The following CDH10 variants were observed in gnomAD, a reference collection of about 807,000 sequenced individuals.
CDH10 encodes the protein cadherin-10.
Under a neutral mutation model 73.1 loss-of-function variants are expected in CDH10, and 30 were observed. That is an observed-to-expected ratio of 0.41 (90% CI 0.31 to 0.56). CDH10 has a LOEUF of 0.56. CDH10 is among the 20% of genes least tolerant of loss of function. CDH10 has a pLI of 0.27. For synonymous variants in CDH10, 345 were observed against 348.2 expected, an observed-to-expected ratio of 0.99 and a Z score of 0.10; for missense variants, 815 against 973.7, an observed-to-expected ratio of 0.84 and a Z score of 2.17.
chr5:24,600,271 T>C (rs1194658457), intron 1 of CDH10, among the ~76,000 whole-genome samples: 1 of 152,176 alleles, frequency 6.6e-6, no homozygotes, highest in Non-Finnish European at 1.5e-5. Flanking sequence ...AACACCTCAG[T>C]GAACCAGTTA....
chr5:24,518,651 T>G (rs1743197821), intron 5 of CDH10, among the ~76,000 whole-genome samples: 1 of 152,104 alleles, frequency 6.6e-6, no homozygotes, highest in African/African-American at 2.4e-5. Flanking sequence ...CAGGTTTCCC[T>G]GCCTCCAAGA....
At chr5:24,517,987 T>C (rs1369468245) in intron 5 of CDH10, among the ~76,000 whole-genome samples, 1 of 152,136 alleles carries the variant, frequency 6.6e-6, no homozygotes, top group Non-Finnish European at 1.5e-5. Flanking sequence ...CAGATAACCC[T>C]GGTAATATCT....
In CDH10 at chr5:24,640,072, C is replaced by G. The variant is rs375408926; in HGVS notation, c.-124+4522G>C. On this transcript the variant is annotated intron_variant, in intron 1 of 11. Transcript: ENST00000264463. ...CAACTGAACTGTCATATACTTTGTGCTATAATGCAAAGGATAGTGTAATAA... is the reference window on the plus strand; with the variant it reads ...CAACTGAACTGTCATATACTTTGTGGTATAATGCAAAGGATAGTGTAATAA... Among the ~76,000 whole-genome samples, 33 of 151,780 alleles carry G rather than the reference C, an allele frequency of 2.2e-4. 1 individual carries two copies. The South Asian group carries it at 6.4e-3, about 30-fold the overall frequency.
At chr5:24,570,517 T>TG (rs1745337651) in intron 2 of CDH10, among the ~76,000 whole-genome samples, 2 of 152,122 alleles carry the variant, frequency 1.3e-5, no homozygotes, top group Admixed American at 1.3e-4. Context: ...ATTGCATCAC[T>TG]GCCCAACTGT....
At chr5:24,585,988 G>A (rs1745979988) in intron 2 of CDH10, among the ~76,000 whole-genome samples, 1 of 152,124 alleles carries the variant, frequency 6.6e-6, no homozygotes, top group Non-Finnish European at 1.5e-5. Context: ...AATTGAAAAA[G>A]CTCAGTCGTC....
intron 6 of CDH10, 22 bp from the exon 7 acceptor site, chr5:24,509,841 C>G (rs373717533): frequency 6.3e-7 from 1 of 1,576,312 alleles, no homozygotes; most frequent in Non-Finnish European, 8.6e-7. Context: ...AATAAATCAT[C>G]AAATTAGAGT....
At position 24,605,695 on chromosome 5, in the gene CDH10, A is replaced by G. The variant is rs188906629; in HGVS notation, c.-123-12082T>C. Among the ~76,000 whole-genome samples the G allele has an allele frequency of 6.6e-5, 10 of 152,362 alleles. No individual in the cohort carries two copies. In the East Asian group the frequency reaches 1.9e-3, roughly 29 times the overall value. ...GTTACATATGTACTAATCATTTGAT[A>G]CAATATTCCTACCCTAGGTACTTGT... On this transcript the variant is annotated intron_variant, in intron 1 of 11. Coordinates refer to ENST00000264463, the MANE Select transcript of CDH10 (RefSeq NM_006727.5).
At chr5:24,501,379 A>G (rs1005657904) in intron 8 of CDH10, among the ~76,000 whole-genome samples, 4 of 151,054 alleles carry the variant, frequency 2.6e-5, no homozygotes, top group South Asian at 2.1e-4. Flanking sequence ...GGAGCTACCT[A>G]TTCAAAAAAC....
chr5:24,530,817 A>G (rs10065091), intron 5 of CDH10, among the ~76,000 whole-genome samples: 133,738 of 152,022 alleles, frequency 0.88, 59,792 homozygotes, highest in Non-Finnish European at 0.96. Flanking sequence ...CTAAGCCATG[A>G]ACTCCTTTTA....
chr5:24,550,128 A>T (rs1744492323), intron 2 of CDH10, among the ~76,000 whole-genome samples: 1 of 152,318 alleles, frequency 6.6e-6, no homozygotes, highest in African/African-American at 2.4e-5. Context: ...AAACAATAAT[A>T]GTCATGTCTT....
intron 8 of CDH10, among the ~76,000 whole-genome samples, chr5:24,504,011 A>T (rs1469013968): frequency 2.6e-5 from 4 of 152,154 alleles, no homozygotes; most frequent in African/African-American, 7.2e-5. Context: ...TAATTTTTCC[A>T]CAAATGATAA....
At chr5:24,599,946 A>C (rs1746504557) in intron 1 of CDH10, among the ~76,000 whole-genome samples, 1 of 152,234 alleles carries the variant, frequency 6.6e-6, no homozygotes, top group Non-Finnish European at 1.5e-5. Flanking sequence ...AAAAAGGATT[A>C]TCTCCTAAAT....
chr5:24,528,269 T>G (rs1228682673), intron 5 of CDH10, among the ~76,000 whole-genome samples: 1 of 151,900 alleles, frequency 6.6e-6, no homozygotes, highest in Non-Finnish European at 1.5e-5. Flanking sequence ...TTAATTTTAT[T>G]CCCTTCTTTC....
intron 2 of CDH10, among the ~76,000 whole-genome samples, chr5:24,591,896 A>T (rs926210041): frequency 1.3e-5 from 2 of 151,942 alleles, no homozygotes; most frequent in Non-Finnish European, 2.9e-5. Flanking sequence ...GATGCAAACA[A>T]GCTAACTGCT....
intron 5 of CDH10, among the ~76,000 whole-genome samples, chr5:24,528,827 A>G (rs899677948): frequency 6.6e-6 from 1 of 152,010 alleles, no homozygotes; most frequent in African/African-American, 2.4e-5. Context: ...TTCTAGGTGT[A>G]GTGCTTTGAA....
At chr5:24,588,993 T>G (rs138165392) in intron 2 of CDH10, among the ~76,000 whole-genome samples, 102 of 152,318 alleles carry the variant, frequency 6.7e-4, no homozygotes, top group Non-Finnish European at 1.2e-3. Context: ...TGTTGACTAT[T>G]GTTTTGTTCT....
intron 1 of CDH10, among the ~76,000 whole-genome samples, chr5:24,634,796 TATTA>T (rs980897914): frequency 2.0e-5 from 3 of 151,698 alleles, no homozygotes; most frequent in African/African-American, 7.2e-5. Flanking sequence ...ATAAATAATA[TATTA>T]ATTATCCCTG....
At chr5:24,610,150 A>C (rs1306877090) in intron 1 of CDH10, among the ~76,000 whole-genome samples, 5 of 152,222 alleles carry the variant, frequency 3.3e-5, no homozygotes, top group African/African-American at 1.2e-4. Context: ...TCTGCAAAAT[A>C]AACTTTCTTA....
At chr5:24,494,034 C>A (rs1742168135) in intron 9 of CDH10, among the ~76,000 whole-genome samples, 1 of 151,694 alleles carries the variant, frequency 6.6e-6, no homozygotes, top group Admixed American at 6.6e-5. Flanking sequence ...TAATTACAAC[C>A]CTAACCATTT....
Sources: allele counts gnomAD v4.1 joint callset (sites outside exome capture counted in the v4.1 genomes callset), GRCh38; gene constraint gnomAD v4.1.1; transcripts MANE v1.5; gene names NCBI Gene and HGNC (gene_info 2026-07-23, HGNC 2026-07-21).